Variants in NPNT observed in about 807,000 individuals in gnomAD.
The protein encoded by NPNT is nephronectin, also known as preosteoblast EGF-like repeat protein with MAM domain.
In NPNT, 45 loss-of-function variants were observed where a neutral mutation model predicts 68.6. That is an observed-to-expected ratio of 0.66 (90% CI 0.52 to 0.84). The LOEUF is 0.84. NPNT is among the 40% of genes least tolerant of loss of function. The probability of loss-of-function intolerance (pLI) is 0.00; values close to 1 mark genes in which losing one functional copy is unlikely to be tolerated. For missense variants in NPNT, 672 were observed against 714.8 expected, an observed-to-expected ratio of 0.94 and a Z score of 0.68; for synonymous variants, 233 against 253.3, an observed-to-expected ratio of 0.92 and a Z score of 0.76.
At chr4:105,940,445 G>C (rs1729845743) in intron 6 of NPNT, 69 bp from the exon 7 acceptor site, 1 of 1,462,514 alleles carries the variant, frequency 6.8e-7, no homozygotes, top group South Asian at 1.2e-5. Flanking sequence ...TTTTGAAACT[G>C]TATATATTTT....
At position 105,937,068 on chromosome 4, in the gene NPNT, G is replaced by C. The variant is rs374915296; in HGVS notation, c.325G>C (p.Gly109Arg). ...TAAGCACAGGTGCATGAACACTTAC[G>C]GCAGCTACAAGTGCTACTGTCTCAA... Reference protein sequence around the residue: ...PCKHRCMNTYGSYKCYCLNGY... With the variant: ...PCKHRCMNTYRSYKCYCLNGY... The change falls in exon 4 of 12, where the codon GGC becomes CGC. Residue 109 changes from glycine (G) to arginine (R), a missense_variant. Coordinates refer to ENST00000379987, the MANE Select transcript of NPNT (RefSeq NM_001033047.3). The C allele has an allele frequency of 6.2e-7, 1 of 1,613,556 alleles. No individual in the cohort carries two copies. The highest frequency in any genetic ancestry group is 1.7e-5 in the Admixed American group (1 of 59,990).
chr4:105,960,302 A>G (rs944059912), intron 10 of NPNT, among the ~76,000 whole-genome samples: 2 of 152,230 alleles, frequency 1.3e-5, no homozygotes, highest in South Asian at 2.1e-4. Flanking sequence ...CAAACACAGA[A>G]AAGTTAACTT....
chr4:105,907,175 T>G (rs1336652202), intron 2 of NPNT, among the ~76,000 whole-genome samples: 1 of 152,112 alleles, frequency 6.6e-6, no homozygotes, highest in African/African-American at 2.4e-5. Context: ...CATATCAACA[T>G]CCCGTACCCA....
At chr4:105,949,400 G>T (rs1210032456) in intron 8 of NPNT, among the ~76,000 whole-genome samples, 1 of 152,154 alleles carries the variant, frequency 6.6e-6, no homozygotes, top group Non-Finnish European at 1.5e-5. Flanking sequence ...TCACTAGTTA[G>T]CTCTCGTTGC....
Position 105,898,375 on chromosome 4 carries a change from TC to T in NPNT, c.172+375del, listed in dbSNP as rs1560882097. Among the ~76,000 whole-genome samples the T allele has an allele frequency of 9.0e-4, 113 of 125,212 alleles. 1 individual carries two copies. The highest frequency in any genetic ancestry group is 4.0e-3 in the Middle Eastern group (1 of 252). The allele number at this position is 125,212 out of a possible 152,430, so 82.1% of individuals were successfully genotyped here. A position where few individuals can be genotyped will look rare whatever the true frequency, so the allele number is the denominator to read the frequency against. ...CTCTCTCTCTCTCTCTCTCTCTCTC[TC>T]TCTCGCTGACTCGCTTGCTCCAGGC... On this transcript the variant is annotated intron_variant, in intron 2 of 11. Coordinates refer to ENST00000379987, the MANE Select transcript of NPNT (RefSeq NM_001033047.3).
chr4:105,898,362 C>CTCTCTCTCTCTCTCTCTCTCTCTG, intron 2 of NPNT, among the ~76,000 whole-genome samples: 1 of 142,862 alleles, frequency 7.0e-6, no homozygotes, highest in East Asian at 2.0e-4. Flanking sequence ...CTCTCTCTCT[C>CTCTCTCTCTCTCTCTCTCTCTCTG]TCTCTCTCTC....
chr4:105,938,344 T>C lies in NPNT; in HGVS notation c.429T>C (p.Asp143=), dbSNP rs531272979. ...TGGCAAACTGTCAGTATGGCTGTGATGTTGTTAAAGGACAAATACGGTGCC... is the reference window on the plus strand; with the variant it reads ...TGGCAAACTGTCAGTATGGCTGTGACGTTGTTAAAGGACAAATACGGTGCC... ...CSMANCQYGC[D]VVKGQIRCQC... is the part of the protein sequence containing the mutation. Residue 143 remains aspartate (D), a synonymous_variant, in exon 5 of 12, where the codon GAT becomes GAC. Coordinates refer to ENST00000379987, the MANE Select transcript of NPNT (RefSeq NM_001033047.3). 1 of 1,613,784 alleles carries C rather than the reference T, an allele frequency of 6.2e-7. No homozygotes were observed. The highest frequency in any genetic ancestry group is 1.1e-5 in the South Asian group (1 of 91,080).
chr4:105,954,941 A>G (rs1316903254), intron 8 of NPNT, among the ~76,000 whole-genome samples: 1 of 152,204 alleles, frequency 6.6e-6, no homozygotes, highest in African/African-American at 2.4e-5. Flanking sequence ...AGGCAAGAGT[A>G]TGCCCAATGC....
chr4:105,905,342 A>G (rs1439680357), intron 2 of NPNT, among the ~76,000 whole-genome samples: 1 of 152,188 alleles, frequency 6.6e-6, no homozygotes, highest in Non-Finnish European at 1.5e-5. Context: ...ATTAAAAGAC[A>G]CATACTAAGA....
chr4:105,970,169 T>C lies in NPNT; in HGVS notation c.*1179T>C, dbSNP rs904103176. Reference sequence around the variant, plus strand: ...AGGATGGGATAGGAAGCAAGTCCCATGCTTAGAGGCATGGGATGTGTTGGA... The same window carrying C: ...AGGATGGGATAGGAAGCAAGTCCCACGCTTAGAGGCATGGGATGTGTTGGA... On this transcript the variant is annotated 3_prime_UTR_variant, in exon 12 of 12. Transcript: ENST00000379987. The C allele has an allele frequency of 4.7e-5, 24 of 510,428 alleles. No individual in the cohort carries two copies. Among genetic ancestry groups the C allele is most frequent in the Non-Finnish European group, 8.1e-5 (23 of 282,686 alleles). The allele number at this position is 510,428 out of a possible 1,614,324, so 31.6% of individuals were successfully genotyped here.
At chr4:105,906,513 A>C (rs80315016) in intron 2 of NPNT, among the ~76,000 whole-genome samples, 3,087 of 152,326 alleles carry the variant, frequency 0.02, 105 homozygotes, top group African/African-American at 0.069. Flanking sequence ...TCAGCTAGAT[A>C]CAGCCCAGAA....
chr4:105,967,877 GTTTC>G (rs1732298828), intron 11 of NPNT, among the ~76,000 whole-genome samples: 1 of 151,810 alleles, frequency 6.6e-6, no homozygotes, highest in Admixed American at 6.6e-5. Flanking sequence ...TTTTTGAAAT[GTTTC>G]TTTCAAGTTC....
chr4:105,923,573 A>G (rs1367957132), intron 2 of NPNT, among the ~76,000 whole-genome samples: 1 of 152,160 alleles, frequency 6.6e-6, no homozygotes, highest in African/African-American at 2.4e-5. Context: ...ATGGTGATTT[A>G]GGGTTAATAT....
At position 105,937,131 on chromosome 4, in the gene NPNT, A is replaced by G. The variant is rs976010775; in HGVS notation, c.385+3A>G. 1 of 1,612,892 alleles carries G rather than the reference A, an allele frequency of 6.2e-7. No homozygotes were observed. Among genetic ancestry groups the G allele is most frequent in the Admixed American group, 1.7e-5 (1 of 59,846 alleles). On this transcript the variant is annotated splice_donor_region_variant and intron_variant, in intron 4 of 11. Transcript: ENST00000379987. ...CATGCCGGATGGTTCCTGCTCAAGT[A>G]TGTCAAGAATCTTAACTGTTTTATA...
chr4:105,958,329 T>C (rs1013488043), intron 8 of NPNT, 142 bp from the exon 9 acceptor site: 1 of 458,540 alleles, frequency 2.2e-6, no homozygotes, highest in Non-Finnish European at 4.0e-6. Context: ...AATCTTCATG[T>C]GATATATAAT....
intron 2 of NPNT, among the ~76,000 whole-genome samples, chr4:105,916,394 T>C (rs1016888548): frequency 2.6e-5 from 4 of 151,904 alleles, no homozygotes; most frequent in Non-Finnish European, 5.9e-5. Flanking sequence ...TAATTTTTTT[T>C]TTTTTTTTCA....
chr4:105,925,666 C>A (rs1239090542), intron 2 of NPNT, among the ~76,000 whole-genome samples: 4 of 152,130 alleles, frequency 2.6e-5, no homozygotes, highest in African/African-American at 9.7e-5. Flanking sequence ...ATTGTTGAGT[C>A]CATTCCCCTT....
chr4:105,941,175 C>T (rs897652480), intron 7 of NPNT, among the ~76,000 whole-genome samples: 17 of 150,980 alleles, frequency 1.1e-4, no homozygotes, highest in African/African-American at 3.9e-4. Context: ...CCTGTCTCTA[C>T]AAAAAAAAAT....
intron 2 of NPNT, among the ~76,000 whole-genome samples, chr4:105,922,798 A>T (rs10027191): frequency 0.12 from 17,758 of 152,130 alleles, 1,963 homozygotes; most frequent in African/African-American, 0.3. Flanking sequence ...AAATTTTGAG[A>T]GTGATTGCCC....
Sources: allele counts gnomAD v4.1 joint callset (sites outside exome capture counted in the v4.1 genomes callset), GRCh38; gene constraint gnomAD v4.1.1; transcripts MANE v1.5; gene names NCBI Gene and HGNC (gene_info 2026-07-23, HGNC 2026-07-21).